Variants in TBCK observed in about 807,000 individuals in gnomAD.
The protein encoded by TBCK is TBC1 domain containing kinase, also known as TBC domain-containing protein kinase-like protein.
Under a neutral mutation model 113.4 loss-of-function variants are expected in TBCK, and 99 were observed. The observed-to-expected ratio is 0.87, with a 90% CI of 0.74 to 1.03. The LOEUF (loss-of-function observed/expected upper bound fraction) is 1.03. Ranked by LOEUF, TBCK falls within the 50% of genes least tolerant of loss-of-function variation. The probability of loss-of-function intolerance (pLI) is 0.00; values close to 1 mark genes in which losing one functional copy is unlikely to be tolerated. For missense variants in TBCK, 1,045 were observed against 1,061.3 expected (o/e 0.98, Z 0.21); for synonymous variants, 369 against 370.8 (o/e 1.00, Z 0.05).
rs1228530290 is a variant in TBCK, at chr4:106,242,471, T to C, written c.1169A>G (p.Asn390Ser). 1.9e-6 allele frequency: 3 copies of C among 1,597,144 alleles called. No individual in the cohort carries two copies. The highest frequency in any genetic ancestry group is 2.7e-5 in the African/African-American group (2 of 74,106). ...TVTLSLCQLR[N>S]RLKDVGGEAF... ...GAACTGTCAAAATATCTTTCTTACA[T>C]TTCTTAGCTGGCATAACGACAATGT... The change falls in exon 12 of 26, where the codon AAT becomes AGT. Residue 390 changes from asparagine (N) to serine (S), a missense_variant and splice_region_variant. By Grantham distance (46) the Asn-to-Ser change is conservative. Coordinates refer to ENST00000394708, the MANE Select transcript of TBCK (RefSeq NM_001163435.3).
chr4:106,262,356 AT>A, intron 3 of TBCK, 144 bp from the exon 4 acceptor site: 1 of 496,658 alleles, frequency 2.0e-6, no homozygotes, highest in Non-Finnish European at 3.6e-6. Context: ...GAATCTATAT[AT>A]TTTCTAAAAT....
At chr4:106,313,485 A>C (rs559674559) in intron 1 of TBCK, among the ~76,000 whole-genome samples, 1 of 152,388 alleles carries the variant, frequency 6.6e-6, no homozygotes, top group South Asian at 2.1e-4. Flanking sequence ...ATTATAATTT[A>C]CAGCTATACG....
chr4:106,246,873 C>T (rs965512200), intron 10 of TBCK, among the ~76,000 whole-genome samples: 16 of 152,010 alleles, frequency 1.1e-4, no homozygotes, highest in Admixed American at 3.9e-4. Flanking sequence ...TTTGTAGAGA[C>T]AGGATATCTC....
At chr4:106,146,717 G>A (rs548754849) in intron 23 of TBCK, among the ~76,000 whole-genome samples, 91 of 152,260 alleles carry the variant, frequency 6.0e-4, no homozygotes, top group African/African-American at 1.9e-3. Context: ...TCAAAGTAAT[G>A]GTTGCTGAAG....
chr4:106,194,576 CTACCTAACTCTATTATGTTAGAA>C, intron 21 of TBCK, 119 bp downstream of exon 21: 1 of 574,950 alleles, frequency 1.7e-6, no homozygotes, highest in South Asian at 2.6e-5. Flanking sequence ...AAATTCTTTT[CTACCTAACTCTATTATGTTAGAA>C]ACACATAAAA....
intron 22 of TBCK, among the ~76,000 whole-genome samples, chr4:106,175,751 C>A (rs993405918): frequency 4.6e-5 from 7 of 152,098 alleles, no homozygotes; most frequent in Non-Finnish European, 8.8e-5. Context: ...TCTTTCTACA[C>A]CAAATTCTCT....
At chr4:106,072,665 C>T (rs1364842613) in intron 25 of TBCK, among the ~76,000 whole-genome samples, 3 of 152,186 alleles carry the variant, frequency 2.0e-5, no homozygotes, top group Admixed American at 6.5e-5. Context: ...TGGGGAAGTT[C>T]TCCTGGATAA....
chr4:106,234,307 T>C (rs1329947320), intron 15 of TBCK, among the ~76,000 whole-genome samples: 1 of 152,138 alleles, frequency 6.6e-6, no homozygotes, highest in Non-Finnish European at 1.5e-5. Flanking sequence ...GATTAATGTA[T>C]GATATTGAAC....
intron 22 of TBCK, among the ~76,000 whole-genome samples, chr4:106,178,906 T>A (rs1752006019): frequency 6.6e-6 from 1 of 151,942 alleles, no homozygotes; most frequent in Non-Finnish European, 1.5e-5. Context: ...CAGCTGCTTA[T>A]CTTGTTATTA....
chr4:106,131,557 G>A (rs745348635), intron 23 of TBCK, among the ~76,000 whole-genome samples: 7 of 152,168 alleles, frequency 4.6e-5, no homozygotes, highest in African/African-American at 1.2e-4. Context: ...AGGTTGCAGC[G>A]AGCCAAGATC....
chr4:106,242,708 GTTTT>G (rs1379217905), intron 11 of TBCK, 139 bp from the exon 12 acceptor site: 1 of 505,646 alleles, frequency 2.0e-6, no homozygotes, highest in Non-Finnish European at 3.4e-6. Flanking sequence ...ATAAAACAAT[GTTTT>G]TTTAATTATT....
At chr4:106,299,174 G>C (rs1436112144) in intron 2 of TBCK, among the ~76,000 whole-genome samples, 1 of 152,046 alleles carries the variant, frequency 6.6e-6, no homozygotes, top group Admixed American at 6.6e-5. Context: ...CAACATATAG[G>C]CATGTAATAT....
chr4:106,130,266 C>T (rs1745726143), intron 23 of TBCK, among the ~76,000 whole-genome samples: 1 of 152,042 alleles, frequency 6.6e-6, no homozygotes, highest in Non-Finnish European at 1.5e-5. Context: ...ATCTTTTAAT[C>T]TAGAAATTTC....
At chr4:106,234,194 G>A (rs1311709902) in intron 15 of TBCK, among the ~76,000 whole-genome samples, 4 of 152,000 alleles carry the variant, frequency 2.6e-5, no homozygotes, top group African/African-American at 4.8e-5. Flanking sequence ...CTCCAATATC[G>A]GCTATTATCA....
chr4:106,123,992 T>C (rs1313262590), intron 23 of TBCK, among the ~76,000 whole-genome samples: 1 of 151,300 alleles, frequency 6.6e-6, no homozygotes, highest in African/African-American at 2.4e-5. Context: ...AAAGACAAAA[T>C]TGACAAACGG....
intron 23 of TBCK, among the ~76,000 whole-genome samples, chr4:106,130,558 T>C (rs1745765421): frequency 6.6e-6 from 1 of 150,974 alleles, no homozygotes; most frequent in Non-Finnish European, 1.5e-5. Context: ...TGTAATACTA[T>C]AAATTAATTA....
At chr4:106,077,468 A>ATCTTTCTC (rs1560612396) in intron 25 of TBCK, among the ~76,000 whole-genome samples, 1 of 152,344 alleles carries the variant, frequency 6.6e-6, no homozygotes, top group East Asian at 1.9e-4. Context: ...AAAGGAATGG[A>ATCTTTCTC]GAAAGATTGA....
intron 20 of TBCK, among the ~76,000 whole-genome samples, chr4:106,200,312 G>A (rs139374040): frequency 2.0e-5 from 3 of 152,194 alleles, no homozygotes; most frequent in South Asian, 2.1e-4. Context: ...AGGCCAAAGC[G>A]GGAGGACTGC....
At chr4:106,112,570 A>T (rs969244351) in intron 24 of TBCK, among the ~76,000 whole-genome samples, 14 of 152,146 alleles carry the variant, frequency 9.2e-5, no homozygotes, top group Admixed American at 9.2e-4. Flanking sequence ...CATTCAGCTC[A>T]TCAATATTGT....
Sources: gnomAD v4.1 joint callset for allele counts (sites outside exome capture counted in the v4.1 genomes callset) on GRCh38, gnomAD v4.1.1 for gene constraint, MANE v1.5 for transcripts, NCBI Gene and HGNC (gene_info 2026-07-23, HGNC 2026-07-21) for gene names.